DACH2: variants seen among roughly 807,000 people sequenced by gnomAD.
DACH2 encodes dachshund family transcription factor 2.
A neutral mutation model predicts 35.8 loss-of-function variants in DACH2; 17 were observed. That is an observed-to-expected ratio of 0.48 (90% CI 0.33 to 0.71). The LOEUF (loss-of-function observed/expected upper bound fraction) is 0.71, where lower values mean the gene tolerates loss of function less well. DACH2 is among the 30% of genes least tolerant of loss of function. The probability of loss-of-function intolerance (pLI) is 0.02; values close to 1 mark genes in which losing one functional copy is unlikely to be tolerated. For synonymous variants in DACH2, 195 were observed against 177.3 expected (o/e 1.10, Z -0.79); for missense variants, 469 against 472.7 (o/e 0.99, Z 0.07).
intron 2 of DACH2, among the ~76,000 whole-genome samples, chrX:86,417,961 C>T (rs1182163543): frequency 9.0e-6 from 1 of 111,666 alleles, no homozygotes; most frequent in Non-Finnish European, 1.9e-5. Flanking sequence ...TACAGCCATT[C>T]CAAATGGGAG....
intron 2 of DACH2, among the ~76,000 whole-genome samples, chrX:86,440,704 G>A (rs1392150140): frequency 1.8e-5 from 2 of 110,836 alleles, no homozygotes; most frequent in African/African-American, 3.3e-5. Context: ...CTTTGTGTGT[G>A]TTTGTATGTG....
chrX:86,547,524 A>AACACACACAC (rs751559427), intron 3 of DACH2, among the ~76,000 whole-genome samples: 2 of 90,851 alleles, frequency 2.2e-5, no homozygotes, highest in Admixed American at 1.3e-4. Flanking sequence ...CGTGCTGCAG[A>AACACACACAC]ACACACACAC....
chrX:86,786,053 G>A (rs1297373324), intron 7 of DACH2, among the ~76,000 whole-genome samples: 1 of 110,994 alleles, frequency 9.0e-6, no homozygotes, highest in Non-Finnish European at 1.9e-5. Flanking sequence ...AAAGAAATTG[G>A]AATACTGCTC....
At chrX:86,582,174 A>G (rs751379596) in intron 3 of DACH2, among the ~76,000 whole-genome samples, 2 of 111,581 alleles carry the variant, frequency 1.8e-5, no homozygotes, top group East Asian at 5.7e-4. Context: ...AAAAAATAAA[A>G]CAAACTAGAA....
Position 86,335,715 on chromosome X carries a change from C to A in DACH2, c.489-41109C>A, listed in dbSNP as rs146237043. On this transcript the variant is annotated intron_variant, in intron 1 of 11. Transcript: ENST00000373125. ...GCAAACAGAGACAATTTGACTTCCT[C>A]TCTTCCTATTTGAATACTTTTTATT... 8.0e-4 allele frequency among the ~76,000 whole-genome samples: 89 copies of A among 111,830 alleles called. 2 individuals are homozygous for A. In the East Asian group the frequency reaches 0.023, roughly 29 times the overall value.
chrX:86,754,772 T>C (rs1334968705), intron 7 of DACH2, among the ~76,000 whole-genome samples: 1 of 112,211 alleles, frequency 8.9e-6, no homozygotes, highest in African/African-American at 3.2e-5. Context: ...TCTTTCTTTG[T>C]GGCCAAATAG....
chrX:86,171,765 A>G (rs1156750077), intron 1 of DACH2, among the ~76,000 whole-genome samples: 3 of 111,399 alleles, frequency 2.7e-5, no homozygotes, highest in Non-Finnish European at 5.7e-5. Flanking sequence ...ACTTTTTTCT[A>G]TCTCTTCGGT....
intron 2 of DACH2, among the ~76,000 whole-genome samples, chrX:86,449,855 G>T (rs1256461591): frequency 9.0e-6 from 1 of 111,099 alleles, no homozygotes; most frequent in South Asian, 3.7e-4. Context: ...ACAAATTATT[G>T]TAATTATTAT....
At chrX:86,595,647 A>G (rs747925270) in intron 3 of DACH2, among the ~76,000 whole-genome samples, 4 of 109,377 alleles carry the variant, frequency 3.7e-5, no homozygotes, top group South Asian at 7.7e-4. Context: ...CATGTTTGTA[A>G]CTATTTTTAT....
chrX:86,676,207 A>C (rs2040823702), intron 4 of DACH2, among the ~76,000 whole-genome samples: 1 of 112,154 alleles, frequency 8.9e-6, no homozygotes, highest in Non-Finnish European at 1.9e-5. Flanking sequence ...TGTGGGTAAA[A>C]TAGCAGATAT....
intron 3 of DACH2, among the ~76,000 whole-genome samples, chrX:86,642,475 C>T (rs896680979): frequency 9.0e-6 from 1 of 111,537 alleles, no homozygotes; most frequent in Non-Finnish European, 1.9e-5. Context: ...TAGAGACATA[C>T]AAAGAAACAT....
At chrX:86,231,645 T>G (rs753187708) in intron 1 of DACH2, among the ~76,000 whole-genome samples, 1 of 112,114 alleles carries the variant, frequency 8.9e-6, no homozygotes, top group Non-Finnish European at 1.9e-5. Flanking sequence ...GCTTAAAAAC[T>G]TGCCCGAGGC....
At chrX:86,297,479 A>G (rs1569337404) in intron 1 of DACH2, among the ~76,000 whole-genome samples, 1 of 112,149 alleles carries the variant, frequency 8.9e-6, no homozygotes, top group Non-Finnish European at 1.9e-5. Flanking sequence ...ATATGATTTT[A>G]TGTGGAACAT....
rs1002504331 is a variant in DACH2 at position 86,148,478 on chromosome X, G to C, written c.-143G>C. 6 of 675,234 alleles carry C rather than the reference G, an allele frequency of 8.9e-6. No homozygotes were observed. Among genetic ancestry groups the C allele is most frequent in the Non-Finnish European group, 1.1e-5 (5 of 465,657 alleles). 55.6% of individuals were successfully genotyped at this position (675,234 alleles called of 1,213,427 possible). A position where few individuals can be genotyped will look rare whatever the true frequency, so the allele number is the denominator to read the frequency against. On this transcript the variant is annotated 5_prime_UTR_variant, in exon 1 of 12. Transcript: ENST00000373125. ...TGTTTGTTGAGCTTGAGCGTGAGCC[G>C]GCTGCTGAAGACTTGCGAACAGTTC...
chrX:86,811,202 A>G (rs1319736645), intron 7 of DACH2, among the ~76,000 whole-genome samples: 6 of 111,891 alleles, frequency 5.4e-5, no homozygotes, highest in Non-Finnish European at 1.1e-4. Context: ...GAAAAATAAA[A>G]AATGTAAAGG....
rs57467884 is a variant in DACH2, at chrX:86,376,151, ATGTGTG to A, written c.489-646_489-641del. On this transcript the variant is annotated intron_variant, in intron 1 of 11. Coordinates refer to ENST00000373125, the MANE Select transcript of DACH2 (RefSeq NM_053281.3). ...TGTATGTATGACTGTGTGTGTGTGT[ATGTGTG>A]TGTGTGTGTGTGTGTGTGTGTGTGT... Among the ~76,000 whole-genome samples the A allele has an allele frequency of 3.5e-4, 34 of 95,775 alleles. 1 individual carries two copies. The highest frequency in any genetic ancestry group is 2.3e-3 in the East Asian group (7 of 3,002). 83.2% of individuals were successfully genotyped at this position (95,775 alleles called of 115,157 possible).
intron 3 of DACH2, among the ~76,000 whole-genome samples, chrX:86,535,224 G>A (rs1405355677): frequency 9.0e-6 from 1 of 111,507 alleles, no homozygotes; most frequent in African/African-American, 3.3e-5. Context: ...TCTGTTACAT[G>A]CCTGAAAATG....
At position 86,277,044 on chromosome X, in the gene DACH2, A is replaced by AT. The variant is rs746787317; in HGVS notation, c.489-99772dup. Among the ~76,000 whole-genome samples the AT allele has an allele frequency of 3.8e-4, 42 of 110,799 alleles. No individual in the cohort carries two copies. In the South Asian group the frequency reaches 6.1e-3, roughly 16 times the overall value. ...TTTGTAGTTCCAAATAAACTTTAGGATTTTTTTTCTATTTCTGTGAAGAAT... is the reference window on the plus strand; with the variant it reads ...TTTGTAGTTCCAAATAAACTTTAGGATTTTTTTTTCTATTTCTGTGAAGAAT... On this transcript the variant is annotated intron_variant, in intron 1 of 11. Transcript: ENST00000373125.
chrX:86,393,325 G>A (rs942326111), intron 2 of DACH2, among the ~76,000 whole-genome samples: 1 of 111,261 alleles, frequency 9.0e-6, no homozygotes, highest in East Asian at 2.8e-4. Flanking sequence ...TTCTATATAT[G>A]CCTATCAACT....
Sources: gnomAD v4.1 joint callset for allele counts (sites outside exome capture counted in the v4.1 genomes callset) on GRCh38, gnomAD v4.1.1 for gene constraint, MANE v1.5 for transcripts, NCBI Gene and HGNC (gene_info 2026-07-23, HGNC 2026-07-21) for gene names.